The following CACNA2D1 variants were observed in gnomAD, a reference collection of about 807,000 sequenced individuals.
CACNA2D1 encodes voltage-dependent calcium channel subunit alpha-2/delta-1.
A neutral mutation model predicts 171.5 loss-of-function variants in CACNA2D1; 53 were observed. The observed-to-expected ratio is 0.31, with a 90% CI of 0.25 to 0.39. The LOEUF is 0.39. Ranked by LOEUF, CACNA2D1 falls within the 10% of genes least tolerant of loss-of-function variation. CACNA2D1 has a pLI of 1.00. For missense variants in CACNA2D1, 903 were observed against 1,299.8 expected, an observed-to-expected ratio of 0.69 and a Z score of 4.69; for synonymous variants, 442 against 443.1, an observed-to-expected ratio of 1.00 and a Z score of 0.03.
chr7:82,091,506 G>C (rs984343222), intron 6 of CACNA2D1, among the ~76,000 whole-genome samples: 1 of 152,164 alleles, frequency 6.6e-6, no homozygotes, highest in Non-Finnish European at 1.5e-5. Context: ...AAATCTGCAC[G>C]CTGTGGAGCA....
chr7:82,146,659 A>G lies in CACNA2D1; in HGVS notation c.355-9983T>C, dbSNP rs1031009427. Among the ~76,000 whole-genome samples the G allele has an allele frequency of 2.6e-5, 4 of 151,424 alleles. No individual in the cohort carries two copies. In the South Asian group the frequency reaches 8.3e-4, roughly 31 times the overall value. On this transcript the variant is annotated intron_variant, in intron 4 of 38. Coordinates refer to ENST00000356860, the MANE Select transcript of CACNA2D1 (RefSeq NM_000722.4). ...GAAGTGCTACTGAAAGGGCTGATAA[A>G]TGATTAAATGAATATGATAGGCCTA...
intron 21 of CACNA2D1, among the ~76,000 whole-genome samples, chr7:81,989,163 T>C (rs1201290437): frequency 6.6e-6 from 1 of 152,170 alleles, no homozygotes; most frequent in African/African-American, 2.4e-5. Flanking sequence ...TTATGTTGTG[T>C]GGCAAAAAGG....
chr7:82,230,977 T>C (rs1802868759), intron 3 of CACNA2D1, among the ~76,000 whole-genome samples: 1 of 152,212 alleles, frequency 6.6e-6, no homozygotes, highest in African/African-American at 2.4e-5. Flanking sequence ...CTCTGATACA[T>C]GAAGGGTTTG....
chr7:81,986,733 A>C (rs1434350734), intron 21 of CACNA2D1, among the ~76,000 whole-genome samples: 1 of 152,188 alleles, frequency 6.6e-6, no homozygotes, highest in East Asian at 1.9e-4. Context: ...ATGTAGACTT[A>C]ATGAAAATTT....
intron 7 of CACNA2D1, among the ~76,000 whole-genome samples, chr7:82,075,585 A>G (rs1808865037): frequency 6.6e-6 from 1 of 152,198 alleles, no homozygotes; most frequent in Non-Finnish European, 1.5e-5. Context: ...AATAAATTCA[A>G]TTAGATGACA....
chr7:82,063,610 A>G (rs1807232876), intron 9 of CACNA2D1, among the ~76,000 whole-genome samples: 1 of 152,024 alleles, frequency 6.6e-6, no homozygotes, highest in Non-Finnish European at 1.5e-5. Context: ...CTCTTGAGGA[A>G]AAACATGAGT....
At chr7:82,014,006 T>A (rs1046914436) in intron 13 of CACNA2D1, among the ~76,000 whole-genome samples, 2 of 151,978 alleles carry the variant, frequency 1.3e-5, no homozygotes, top group South Asian at 4.1e-4. Flanking sequence ...CTGGAATGTA[T>A]AAGGTAATAT....
At chr7:82,001,884 G>C (rs1476181723) in intron 18 of CACNA2D1, among the ~76,000 whole-genome samples, 1 of 151,912 alleles carries the variant, frequency 6.6e-6, no homozygotes, top group Non-Finnish European at 1.5e-5. Context: ...AAATAAGAAT[G>C]TAAAAATATC....
At chr7:82,362,244 T>C (rs933451436) in intron 1 of CACNA2D1, among the ~76,000 whole-genome samples, 1 of 152,174 alleles carries the variant, frequency 6.6e-6, no homozygotes, top group African/African-American at 2.4e-5. Context: ...TTGTCATTAT[T>C]AGTCATTCTG....
chr7:82,391,464 T>G lies in CACNA2D1; in HGVS notation c.96-41815A>C, dbSNP rs549010154. Among the ~76,000 whole-genome samples the G allele has an allele frequency of 1.2e-3, 178 of 152,190 alleles. 1 individual carries two copies. Among genetic ancestry groups the G allele is most frequent in the Non-Finnish European group, 1.4e-3 (92 of 68,038 alleles). On this transcript the variant is annotated intron_variant, in intron 1 of 38. Transcript: ENST00000356860. ...GATTACCAGATTAAGCTGCTTAAAT[T>G]CAGATCAGTGAATTTTAATTATTCA...
chr7:82,425,296 G>A (rs1178817489), intron 1 of CACNA2D1, among the ~76,000 whole-genome samples: 2 of 152,042 alleles, frequency 1.3e-5, no homozygotes, highest in African/African-American at 4.8e-5. Context: ...ACAACCACAC[G>A]ATTTTGAAAG....
chr7:82,207,437 T>C (rs62463007), intron 3 of CACNA2D1, among the ~76,000 whole-genome samples: 7,576 of 152,196 alleles, frequency 0.05, 203 homozygotes, highest in Non-Finnish European at 0.061. Flanking sequence ...TTGTAAAGTA[T>C]CAAATGCCAT....
chr7:82,326,369 TTAAG>T (rs1427083913), intron 3 of CACNA2D1, among the ~76,000 whole-genome samples: 1 of 152,186 alleles, frequency 6.6e-6, no homozygotes, highest in African/African-American at 2.4e-5. Flanking sequence ...ATCAATGATG[TTAAG>T]TGAGAACTTA....
intron 3 of CACNA2D1, among the ~76,000 whole-genome samples, chr7:82,256,831 A>G (rs1018666585): frequency 2.6e-5 from 4 of 152,216 alleles, no homozygotes; most frequent in Non-Finnish European, 5.9e-5. Flanking sequence ...TGAAGCAAAA[A>G]AATTTTAGGT....
chr7:82,035,425 T>A (rs1803186342), intron 11 of CACNA2D1, among the ~76,000 whole-genome samples: 1 of 152,022 alleles, frequency 6.6e-6, no homozygotes. Context: ...TTCAAATTAT[T>A]TTAACATAAA....
chr7:82,433,174 T>C (rs1057433203), intron 1 of CACNA2D1, among the ~76,000 whole-genome samples: 13 of 149,970 alleles, frequency 8.7e-5, no homozygotes, highest in Admixed American at 3.3e-4. Context: ...AGTGACACAG[T>C]GAGACTCCAT....
intron 10 of CACNA2D1, among the ~76,000 whole-genome samples, chr7:82,053,383 T>A (rs1805443982): frequency 6.6e-6 from 1 of 151,432 alleles, no homozygotes; most frequent in Admixed American, 6.6e-5. Context: ...GAGGAGCAAA[T>A]CTATGTCTCA....
intron 19 of CACNA2D1, among the ~76,000 whole-genome samples, chr7:81,996,596 C>T (rs1347728180): frequency 6.6e-6 from 1 of 151,458 alleles, no homozygotes; most frequent in Non-Finnish European, 1.5e-5. Flanking sequence ...AATAAAAATA[C>T]CTATTTCCAA....
chr7:81,970,986 C>T lies in CACNA2D1; in HGVS notation c.2142-249G>A, dbSNP rs113462825. The stretch of plus-strand genomic sequence containing the variant: ...GGAGTATGAATTGACAGCAATGACA[C>T]AGAAAGCAGGAAGGTATCACTTGTA... On this transcript the variant is annotated intron_variant, in intron 26 of 38. Transcript: ENST00000356860. 7.4e-4 allele frequency: 359 copies of T among 482,420 alleles called. 1 individual carries two copies. Among genetic ancestry groups the T allele is most frequent in the African/African-American group, 5.7e-3 (291 of 50,950 alleles). The allele number at this position is 482,420 out of a possible 1,614,324, so 29.9% of individuals were successfully genotyped here.
Sources: gnomAD v4.1 joint callset for allele counts (sites outside exome capture counted in the v4.1 genomes callset) on GRCh38, gnomAD v4.1.1 for gene constraint, MANE v1.5 for transcripts, NCBI Gene and HGNC (gene_info 2026-07-23, HGNC 2026-07-21) for gene names.